Variants in CWC22 observed in about 807,000 individuals in gnomAD.
The protein encoded by CWC22 is pre-mRNA-splicing factor CWC22 homolog.
CWC22 carries 53 observed loss-of-function variants against 117.2 expected under a neutral mutation model. The observed-to-expected ratio is 0.45, with a 90% CI of 0.36 to 0.57. The LOEUF (loss-of-function observed/expected upper bound fraction) is 0.57, where lower values mean the gene tolerates loss of function less well. Among genes scored for constraint, CWC22 ranks in the 20% least tolerant of loss-of-function variants. The pLI is 0.00. For missense variants in CWC22, 980 were observed against 1,068.8 expected (o/e 0.92, Z 1.16); for synonymous variants, 360 against 355.6 (o/e 1.01, Z -0.14).
intron 2 of CWC22, among the ~76,000 whole-genome samples, chr2:179,991,090 G>A (rs539474203): frequency 2.6e-5 from 4 of 152,192 alleles, no homozygotes; most frequent in Non-Finnish European, 4.4e-5. Flanking sequence ...AAAATTTTTC[G>A]AAATTGTTCA....
At chr2:179,963,340 T>TTC (rs1402447509) in intron 13 of CWC22, among the ~76,000 whole-genome samples, 1 of 127,038 alleles carries the variant, frequency 7.9e-6, no homozygotes, top group Admixed American at 8.0e-5. Context: ...TAATACTTTT[T>TTC]TTTTTTTTTT....
intron 8 of CWC22, 94 bp downstream of exon 8, chr2:179,973,099 A>G: frequency 4.5e-6 from 3 of 664,386 alleles, no homozygotes; most frequent in Non-Finnish European, 5.2e-6. Flanking sequence ...AGGACTATAA[A>G]GCAAAGCAAA....
intron 2 of CWC22, among the ~76,000 whole-genome samples, chr2:179,990,874 T>C (rs80018552): frequency 0.017 from 2,524 of 152,306 alleles, 36 homozygotes; most frequent in East Asian, 0.042. Flanking sequence ...ACAATCACTG[T>C]GGCATACAGT....
chr2:179,973,939 G>T (rs1373118892), intron 6 of CWC22, 137 bp from the exon 7 acceptor site: 2 of 450,444 alleles, frequency 4.4e-6, no homozygotes, highest in Non-Finnish European at 7.7e-6. Context: ...GAAAGAGTTT[G>T]TCTTACTAAT....
chr2:179,996,279 G>A (rs1290171476), intron 1 of CWC22, among the ~76,000 whole-genome samples: 1 of 152,128 alleles, frequency 6.6e-6, no homozygotes, highest in Non-Finnish European at 1.5e-5. Context: ...AGTATATAAG[G>A]TTTTTAAAGC....
intron 16 of CWC22, 76 bp from the exon 17 acceptor site, chr2:179,952,674 T>C (rs1686483798): frequency 2.6e-6 from 2 of 766,460 alleles, no homozygotes; most frequent in Admixed American, 7.9e-5. Context: ...TATTTGTAGG[T>C]TTAAGTGTTT....
chr2:179,965,791 A>C, intron 12 of CWC22, 87 bp downstream of exon 12: 1 of 1,152,414 alleles, frequency 8.7e-7, no homozygotes, highest in Non-Finnish European at 1.2e-6. Flanking sequence ...GCTCTCCCCA[A>C]AGATTGAGAA....
At position 179,973,369 on chromosome 2, in the gene CWC22, T is replaced by C. The variant is rs1039038171; in HGVS notation, c.751-123A>G. 26 of 709,276 alleles carry C rather than the reference T, an allele frequency of 3.7e-5. No individual in the cohort carries two copies. The African/African-American group carries it at 4.5e-4, about 12-fold the overall frequency. 43.9% of individuals were successfully genotyped at this position (709,276 alleles called of 1,614,324 possible). A position where few individuals can be genotyped will look rare whatever the true frequency, so the allele number is the denominator to read the frequency against. On this transcript the variant is annotated intron_variant, in intron 7 of 19. Transcript: ENST00000410053. ...TACCACACAAGTATAATTTTTACATTATAAGAAAGTTACAAAATAAAACAC... is the reference window on the plus strand; with the variant it reads ...TACCACACAAGTATAATTTTTACATCATAAGAAAGTTACAAAATAAAACAC...
chr2:179,958,558 C>A (rs960495835), intron 14 of CWC22, among the ~76,000 whole-genome samples: 1 of 149,780 alleles, frequency 6.7e-6, no homozygotes, highest in Non-Finnish European at 1.5e-5. Context: ...TTTTTTTTTG[C>A]AAATTTTTGT....
chr2:179,976,267 A>G (rs1219741106), intron 6 of CWC22, among the ~76,000 whole-genome samples: 1 of 152,228 alleles, frequency 6.6e-6, no homozygotes, highest in East Asian at 1.9e-4. Flanking sequence ...CAGATTAAAG[A>G]CTTAAACATT....
chr2:179,967,750 T>TAA, intron 11 of CWC22, among the ~76,000 whole-genome samples: 1 of 151,896 alleles, frequency 6.6e-6, no homozygotes, highest in Non-Finnish European at 1.5e-5. Context: ...TAAAGACATA[T>TAA]ATACAATGGT....
At chr2:179,993,028 C>G (rs1487338528) in intron 2 of CWC22, among the ~76,000 whole-genome samples, 1 of 152,210 alleles carries the variant, frequency 6.6e-6, no homozygotes, top group Admixed American at 6.5e-5. Context: ...CGCGCACACA[C>G]ACGTACACAC....
intron 2 of CWC22, among the ~76,000 whole-genome samples, chr2:179,991,983 T>C (rs576867576): frequency 6.6e-5 from 10 of 152,310 alleles, no homozygotes; most frequent in East Asian, 5.8e-4. Flanking sequence ...TTGGAAAAGA[T>C]TGCAGCAGAG....
rs16867134 is a variant in CWC22 at position 179,988,455 on chromosome 2, T to C, written c.95+122A>G. On this transcript the variant is annotated intron_variant, in intron 3 of 19. Transcript: ENST00000410053. The stretch of plus-strand genomic sequence containing the variant: ...CCTCCTACAGCCCATTCAAGTAATA[T>C]TGGTTATAAAACCATTAAAAAGAAG... The C allele has an allele frequency of 9.1e-3, 5,342 of 585,012 alleles. 219 individuals carry two copies. The highest frequency in any genetic ancestry group is 0.089 in the African/African-American group (4,516 of 50,996). The allele number at this position is 585,012 out of a possible 1,614,324, so 36.2% of individuals were successfully genotyped here. A position where few individuals can be genotyped will look rare whatever the true frequency, so the allele number is the denominator to read the frequency against.
chr2:180,006,774 G>A (rs1296372359), intron 1 of CWC22, 93 bp downstream of exon 1: 1 of 152,306 alleles, frequency 6.6e-6, no homozygotes, highest in Non-Finnish European at 1.5e-5. Flanking sequence ...CACCAGCGTT[G>A]GTGCAGGATT....
chr2:179,965,959 C>A lies in CWC22; in HGVS notation c.1234G>T (p.Asp412Tyr), dbSNP rs1260250909. 2.5e-6 allele frequency: 4 copies of A among 1,611,288 alleles called. No individual in the cohort carries two copies. The highest frequency in any genetic ancestry group is 3.4e-6 in the Non-Finnish European group (4 of 1,178,276). The change falls in exon 12 of 20, where the codon GAC becomes TAC. Residue 412 changes from aspartate (D) to tyrosine (Y), a missense_variant. Asp to Tyr is a radical substitution (Grantham distance 160). Around this residue, in one of 3 missense-constraint regions of CWC22, gnomAD observed 559 missense variants for 602.3 expected, o/e 0.93. Transcript: ENST00000410053. ...KKEILDEGDTDSNTDQDAGSS... is the reference protein window; with the variant it reads ...KKEILDEGDTYSNTDQDAGSS... ...CCAGCATCCTGGTCTGTGTTCGAGT[C>A]AGTATCTCCCTCATCAAGAATTTCT...
intron 1 of CWC22, among the ~76,000 whole-genome samples, chr2:179,998,050 T>C (rs964641942): frequency 6.6e-6 from 1 of 152,178 alleles, no homozygotes; most frequent in Non-Finnish European, 1.5e-5. Flanking sequence ...GCAGAAAGTG[T>C]AGGGGAAACC....
chr2:179,950,715 T>C lies in CWC22; in HGVS notation c.1937A>G (p.His646Arg). 1.2e-6 allele frequency: 2 copies of C among 1,613,506 alleles called. No homozygotes were observed. The highest frequency in any genetic ancestry group is 1.7e-6 in the Non-Finnish European group (2 of 1,179,490). ...LGGLTDELREHLKNTPKVIVA... is the reference protein window; with the variant it reads ...LGGLTDELRERLKNTPKVIVA... ...AATGACCTTTGGTGTATTTTTGAGA[T>C]GCTCCCGCAGTTCATCCCTAATTTA... Residue 646 changes from histidine to arginine, a missense_variant, in exon 19 of 20, where the codon CAT becomes CGT. This residue lies in a region of CWC22 where 115 missense variants were observed against 169.8 expected (regional missense o/e 0.68). Coordinates refer to ENST00000410053, the MANE Select transcript of CWC22 (RefSeq NM_020943.3).
chr2:179,955,864 G>C (rs1438226379), intron 14 of CWC22, among the ~76,000 whole-genome samples: 2 of 151,754 alleles, frequency 1.3e-5, no homozygotes, highest in African/African-American at 2.4e-5. Context: ...TGTCATAGAT[G>C]AAAAAACTCA....
Sources: gnomAD v4.1 joint callset for allele counts (sites outside exome capture counted in the v4.1 genomes callset) on GRCh38, gnomAD v4.1.1 for gene constraint, gnomAD v4.1.1 regional missense constraint, MANE v1.5 for transcripts, NCBI Gene and HGNC (gene_info 2026-07-23, HGNC 2026-07-21) for gene names.